KIF3C: variants seen among roughly 807,000 people sequenced by gnomAD.
The protein encoded by KIF3C is kinesin-like protein KIF3C.
Under a neutral mutation model 67.7 loss-of-function variants are expected in KIF3C, and 12 were observed. The observed-to-expected ratio is 0.18, with a 90% confidence interval of 0.11 to 0.29. KIF3C has a LOEUF of 0.29. KIF3C is among the 10% of genes least tolerant of loss of function. KIF3C has a pLI of 1.00. For synonymous variants in KIF3C, 393 were observed against 426.2 expected, an observed-to-expected ratio of 0.92 and a Z score of 0.96; for missense variants, 789 against 1,059.6, an observed-to-expected ratio of 0.74 and a Z score of 3.55.
intron 1 of KIF3C, among the ~76,000 whole-genome samples, chr2:25,962,927 TAA>T (rs1664011217): frequency 1.9e-5 from 1 of 51,630 alleles, no homozygotes; most frequent in Non-Finnish European, 2.8e-5. Flanking sequence ...ATATAATATA[TAA>T]TACATATAAT....
In KIF3C at chr2:25,980,352, C is replaced by A. The variant is rs1664531300; in HGVS notation, c.1545+21G>T. ...CCCCTGCGGGGACATCTCGAGTGCC[C>A]AGCTCCTCTGGGGCCCTTACCTTGT... On this transcript the variant is annotated intron_variant, in intron 1 of 7. Coordinates refer to ENST00000264712, the MANE Select transcript of KIF3C (RefSeq NM_002254.8). The surrounding 1 kb of genome is among the most constrained non-coding windows in gnomAD (Gnocchi z 7.6). 1 of 1,592,258 alleles carries A rather than the reference C, an allele frequency of 6.3e-7. No individual in the cohort carries two copies. Among genetic ancestry groups the A allele is most frequent in the Admixed American group, 1.7e-5 (1 of 58,264 alleles).
At chr2:25,934,093 T>G (rs2149222331) in intron 5 of KIF3C, 1 of 469,222 alleles carries the variant, frequency 2.1e-6, no homozygotes, top group Admixed American at 2.4e-5. Context: ...GAAAACATTT[T>G]GCTAAGTGGA....
chr2:25,958,450 G>A lies in KIF3C; in HGVS notation c.1546-2006C>T, dbSNP rs562104549. Among the ~76,000 whole-genome samples the A allele has an allele frequency of 4.9e-4, 74 of 152,092 alleles. No individual in the cohort carries two copies. The highest frequency in any genetic ancestry group is 1.7e-3 in the African/African-American group (71 of 41,498). On this transcript the variant is annotated intron_variant, in intron 1 of 7. Transcript: ENST00000264712. This position sits in a 1 kb window ranked among gnomAD's most constrained non-coding sequence, Gnocchi z 4.5. ...ACAAAAATTAGCTGGGTGTGGTGGCGTGCACCTGTAGTCCTAGATACTCAG... is the reference window on the plus strand; with the variant it reads ...ACAAAAATTAGCTGGGTGTGGTGGCATGCACCTGTAGTCCTAGATACTCAG...
At position 25,955,502 on chromosome 2, in the gene KIF3C, C is replaced by T. The variant is rs1320444173; in HGVS notation, c.1770+39G>A. The T allele has an allele frequency of 6.2e-7, 1 of 1,610,560 alleles. No homozygotes were observed. The highest frequency in any genetic ancestry group is 1.1e-5 in the South Asian group (1 of 90,708). On this transcript the variant is annotated intron_variant, in intron 3 of 7. Coordinates refer to ENST00000264712, the MANE Select transcript of KIF3C (RefSeq NM_002254.8). This position sits in a 1 kb window ranked among gnomAD's most constrained non-coding sequence, Gnocchi z 5.0. ...ATCCCTTGGGCAGAGACTGCTGGGC[C>T]TCCAGCACACCTTAACCGGTCCTGC... is the stretch of plus-strand genomic sequence containing the variant.
intron 1 of KIF3C, among the ~76,000 whole-genome samples, chr2:25,974,017 C>T (rs1189238879): frequency 6.6e-6 from 1 of 152,194 alleles, no homozygotes; most frequent in Non-Finnish European, 1.5e-5. Context: ...ATTTACTTAA[C>T]ACTTGTGTGC....
chr2:25,980,522 C>T lies in KIF3C; in HGVS notation c.1396G>A (p.Glu466Lys). The stretch of plus-strand genomic sequence containing the variant: ...GCTGCCTTCTCCTCCTCCAGCCGCT[C>T]CTTCTGTTCCTGCAGGTAATTCTCC... The part of the protein sequence containing the change: ...NMENYLQEQK[E>K]RLEEEKAAIQ... The change falls in exon 1 of 8, where the codon GAG becomes AAG. Residue 466 changes from glutamate (E) to lysine (K), a missense_variant. Around this residue, in one of 2 missense-constraint regions of KIF3C, gnomAD observed 648 missense variants for 807.8 expected, o/e 0.80. Coordinates refer to ENST00000264712, the MANE Select transcript of KIF3C (RefSeq NM_002254.8). This position sits in a 1 kb window ranked among gnomAD's most constrained non-coding sequence, Gnocchi z 7.6. 6.2e-7 allele frequency: 1 copy of T among 1,614,174 alleles called. No homozygotes were observed. Among genetic ancestry groups the T allele is most frequent in the South Asian group, 1.1e-5 (1 of 91,088 alleles).
Position 25,927,663 on chromosome 2 carries a change from G to C in KIF3C, c.*1315C>G, listed in dbSNP as rs897762349. On this transcript the variant is annotated 3_prime_UTR_variant, in exon 8 of 8. Coordinates refer to ENST00000264712, the MANE Select transcript of KIF3C (RefSeq NM_002254.8). ...AGCACTCTTCATATTCTAGGAACTGGAGACTCACACTATTAGGGCACTTTG... is the reference window on the plus strand; with the variant it reads ...AGCACTCTTCATATTCTAGGAACTGCAGACTCACACTATTAGGGCACTTTG... The C allele has an allele frequency of 6.6e-6, 1 of 152,048 alleles. No individual in the cohort carries two copies. The highest frequency in any genetic ancestry group is 1.5e-5 in the Non-Finnish European group (1 of 68,018). The allele number at this position is 152,048 out of a possible 1,614,324, so 9.4% of individuals were successfully genotyped here.
chr2:25,966,645 A>G (rs1321387274), intron 1 of KIF3C, among the ~76,000 whole-genome samples: 1 of 152,162 alleles, frequency 6.6e-6, no homozygotes, highest in African/African-American at 2.4e-5. Context: ...CTCATAAAGC[A>G]CTGACGTGGA....
chr2:25,974,918 C>T (rs1664372619), intron 1 of KIF3C, among the ~76,000 whole-genome samples: 2 of 150,764 alleles, frequency 1.3e-5, no homozygotes, highest in Admixed American at 1.3e-4. Context: ...CCCAGCTACT[C>T]GGGAGGCTGA....
At chr2:25,936,520 A>G (rs1264722135) in intron 5 of KIF3C, among the ~76,000 whole-genome samples, 1 of 152,242 alleles carries the variant, frequency 6.6e-6, no homozygotes, top group Admixed American at 6.5e-5. Context: ...ATACTAATTA[A>G]TTAGTTCAAA....
chr2:25,952,054 G>C, intron 4 of KIF3C, 149 bp from the exon 5 acceptor site: 1 of 599,326 alleles, frequency 1.7e-6, no homozygotes, highest in Non-Finnish European at 3.0e-6. Context: ...CACTTTGGGA[G>C]ACCAAGGCGG....
intron 1 of KIF3C, among the ~76,000 whole-genome samples, chr2:25,972,428 C>G (rs530598245): frequency 6.6e-6 from 1 of 152,184 alleles, no homozygotes; most frequent in Non-Finnish European, 1.5e-5. Flanking sequence ...ATTCTGTTAA[C>G]TGACCACACC....
intron 5 of KIF3C, among the ~76,000 whole-genome samples, chr2:25,944,142 G>A (rs1487847939): frequency 6.6e-6 from 1 of 151,692 alleles, no homozygotes; most frequent in Non-Finnish European, 1.5e-5. Flanking sequence ...CTGTCTCCCA[G>A]GTTCAAGCAA....
At chr2:25,952,167 G>A (rs1313449344) in intron 4 of KIF3C, among the ~76,000 whole-genome samples, 3 of 152,156 alleles carry the variant, frequency 2.0e-5, no homozygotes, top group Non-Finnish European at 4.4e-5. Flanking sequence ...GGGCGTGGTG[G>A]TGGGTGCCTG....
intron 5 of KIF3C, among the ~76,000 whole-genome samples, chr2:25,932,089 A>G (rs1175304503): frequency 1.4e-5 from 2 of 139,208 alleles, no homozygotes; most frequent in African/African-American, 5.4e-5. Flanking sequence ...GCAACTTCCG[A>G]CCCCCTGGTT....
chr2:25,969,614 G>A (rs915213057), intron 1 of KIF3C, among the ~76,000 whole-genome samples: 4 of 152,022 alleles, frequency 2.6e-5, no homozygotes, highest in African/African-American at 7.2e-5. Flanking sequence ...CCATTATTGC[G>A]AGTTCTTATG....
chr2:25,965,029 C>T (rs1368800844), intron 1 of KIF3C, among the ~76,000 whole-genome samples: 1 of 152,198 alleles, frequency 6.6e-6, no homozygotes, highest in East Asian at 1.9e-4. Flanking sequence ...TAAAGAGAAT[C>T]CTGGACGATG....
In KIF3C at chr2:25,977,321, C is replaced by T. The variant is rs149351637; in HGVS notation, c.1545+3052G>A. Among the ~76,000 whole-genome samples, 397 of 152,128 alleles carry T rather than the reference C, an allele frequency of 2.6e-3. 3 individuals are homozygous for T. Among genetic ancestry groups the T allele is most frequent in the African/African-American group, 9.1e-3 (376 of 41,488 alleles). ...GAGAGAGTGAATGAGGGCACTGGGT[C>T]GCATCAACTACCACTTAGCTGCCCC... On this transcript the variant is annotated intron_variant, in intron 1 of 7. Coordinates refer to ENST00000264712, the MANE Select transcript of KIF3C (RefSeq NM_002254.8).
chr2:25,940,650 C>CTTTTTTTTTTTTTTTTT (rs70950139), intron 5 of KIF3C, among the ~76,000 whole-genome samples: 1 of 74,172 alleles, frequency 1.3e-5, no homozygotes, highest in Non-Finnish European at 2.4e-5. Context: ...TCAGAATGTT[C>CTTTTTTTTTTTTTTTTT]TTTTTTTTTT....
Sources: allele counts gnomAD v4.1 joint callset (sites outside exome capture counted in the v4.1 genomes callset), GRCh38; gene constraint gnomAD v4.1.1; regional missense constraint gnomAD v4.1.1; non-coding constraint Gnocchi (gnomAD v3.1); transcripts MANE v1.5; gene names NCBI Gene and HGNC (gene_info 2026-07-23, HGNC 2026-07-21).